SPOCK3: variants seen among roughly 807,000 people sequenced by gnomAD.
SPOCK3 encodes the protein testican-3.
Under a neutral mutation model 56.6 loss-of-function variants are expected in SPOCK3, and 30 were observed. That is an observed-to-expected ratio of 0.53 (90% CI 0.40 to 0.72). SPOCK3 has a LOEUF of 0.72. Among genes scored for constraint, SPOCK3 ranks in the 30% least tolerant of loss-of-function variants. The pLI is 0.00. For synonymous variants in SPOCK3, 196 were observed against 183.3 expected (o/e 1.07, Z -0.56); for missense variants, 527 against 530.0 (o/e 0.99, Z 0.06).
intron 5 of SPOCK3, among the ~76,000 whole-genome samples, chr4:166,909,719 T>C (rs1395527492): frequency 6.6e-6 from 1 of 152,130 alleles, no homozygotes; most frequent in African/African-American, 2.4e-5. Context: ...AGGAGCTTCA[T>C]GGACCCTACT....
intron 6 of SPOCK3, among the ~76,000 whole-genome samples, chr4:166,853,174 C>T (rs1730312026): frequency 6.6e-6 from 1 of 151,948 alleles, no homozygotes; most frequent in South Asian, 2.1e-4. Flanking sequence ...AAATAGGTTG[C>T]TAGTATTTCT....
intron 7 of SPOCK3, among the ~76,000 whole-genome samples, chr4:166,764,492 C>T (rs938351865): frequency 1.3e-5 from 2 of 152,150 alleles, no homozygotes; most frequent in Admixed American, 1.3e-4. Context: ...TTTCCACCTT[C>T]ATCCATGTCC....
intron 6 of SPOCK3, among the ~76,000 whole-genome samples, chr4:166,875,879 T>C (rs1385668534): frequency 6.6e-6 from 1 of 152,192 alleles, no homozygotes; most frequent in Non-Finnish European, 1.5e-5. Context: ...GAAACAACTC[T>C]GAAAGAATGT....
chr4:166,860,198 G>C (rs1731088670), intron 6 of SPOCK3, among the ~76,000 whole-genome samples: 2 of 152,116 alleles, frequency 1.3e-5, no homozygotes, highest in Admixed American at 6.6e-5. Context: ...CTCTAGGGAA[G>C]ATTATGCATG....
chr4:167,043,630 T>C (rs1015220803), intron 3 of SPOCK3, among the ~76,000 whole-genome samples: 2 of 152,022 alleles, frequency 1.3e-5, no homozygotes, highest in Non-Finnish European at 1.5e-5. Flanking sequence ...ACTTTATACA[T>C]AGTTTTTATC....
intron 2 of SPOCK3, among the ~76,000 whole-genome samples, chr4:167,186,978 CAAA>C (rs67424272): frequency 2.3e-5 from 2 of 88,372 alleles, no homozygotes; most frequent in Non-Finnish European, 2.5e-5. Context: ...CTCTGTGCCT[CAAA>C]AAAAAAAAAA....
At chr4:167,193,894 C>T (rs1259131604) in intron 2 of SPOCK3, among the ~76,000 whole-genome samples, 1 of 132,342 alleles carries the variant, frequency 7.6e-6, no homozygotes, top group Non-Finnish European at 1.6e-5. Flanking sequence ...TTTCACAAAT[C>T]TAGATGTCCA....
At chr4:167,035,718 C>A (rs763132049) in intron 3 of SPOCK3, among the ~76,000 whole-genome samples, 1 of 152,142 alleles carries the variant, frequency 6.6e-6, no homozygotes. Context: ...AGAACCCTAG[C>A]GTGAACCTAT....
At chr4:166,836,579 G>GT (rs1746645654) in intron 6 of SPOCK3, among the ~76,000 whole-genome samples, 1 of 152,096 alleles carries the variant, frequency 6.6e-6, no homozygotes, top group Admixed American at 6.6e-5. Flanking sequence ...AGTGAAGATT[G>GT]TTTTTTGTGG....
intron 2 of SPOCK3, among the ~76,000 whole-genome samples, chr4:167,065,823 C>G: frequency 6.6e-6 from 1 of 151,838 alleles, no homozygotes; most frequent in East Asian, 1.9e-4. Flanking sequence ...ATTGGTTGTT[C>G]TCAGGCTTCA....
chr4:167,172,192 A>G (rs969864295), intron 2 of SPOCK3, among the ~76,000 whole-genome samples: 3 of 152,174 alleles, frequency 2.0e-5, no homozygotes, highest in Admixed American at 6.6e-5. Context: ...GCCAGGGTAC[A>G]ACATTTGCTG....
At chr4:167,234,677 A>C (rs1392308574), upstream of SPOCK3, 17 of 153,382 alleles carry the variant, frequency 1.1e-4, no homozygotes, top group South Asian at 3.9e-4. Context: ...TTCCTCTTCC[A>C]CCTCCTCCTA....
intron 4 of SPOCK3, among the ~76,000 whole-genome samples, chr4:166,937,512 GA>G (rs1300576139): frequency 6.8e-6 from 1 of 148,032 alleles, no homozygotes; most frequent in Non-Finnish European, 1.5e-5. Flanking sequence ...TACATTTCTA[GA>G]AGCATATATT....
At chr4:166,824,519 C>A (rs1745256587) in intron 6 of SPOCK3, among the ~76,000 whole-genome samples, 1 of 152,000 alleles carries the variant, frequency 6.6e-6, no homozygotes, top group South Asian at 2.1e-4. Flanking sequence ...TGGCCAAAGA[C>A]GCAGAACACT....
At chr4:166,969,446 C>T (rs1013861511) in intron 4 of SPOCK3, among the ~76,000 whole-genome samples, 2 of 145,832 alleles carry the variant, frequency 1.4e-5, no homozygotes, top group African/African-American at 2.5e-5. Flanking sequence ...ATTTCCTCCT[C>T]ACCGTTCTTG....
chr4:166,833,397 T>C lies in SPOCK3; in HGVS notation c.590-41108A>G, dbSNP rs541971700. Among the ~76,000 whole-genome samples, 11 of 152,314 alleles carry C rather than the reference T, an allele frequency of 7.2e-5. No individual in the cohort carries two copies. The South Asian group carries it at 1.2e-3, about 17-fold the overall frequency. ...ATTATTCAGGTCTTCTATAAACTTA[T>C]TGATTTTCTCAATTTTTGTAGTATT... On this transcript the variant is annotated intron_variant, in intron 6 of 10. Transcript: ENST00000357545.
At chr4:167,056,405 C>A (rs1035195469) in intron 3 of SPOCK3, among the ~76,000 whole-genome samples, 10 of 152,176 alleles carry the variant, frequency 6.6e-5, no homozygotes, top group African/African-American at 2.4e-4. Context: ...GAACGCAGCT[C>A]CTCACCAGCA....
intron 4 of SPOCK3, among the ~76,000 whole-genome samples, chr4:166,940,022 T>C (rs1024218561): frequency 1.3e-5 from 2 of 152,058 alleles, no homozygotes; most frequent in Non-Finnish European, 2.9e-5. Context: ...TCTGCATTAC[T>C]AAAGGAAAGA....
intron 2 of SPOCK3, chr4:167,119,881 C>T (rs1339384654): frequency 1.3e-6 from 2 of 1,494,480 alleles, no homozygotes; most frequent in Admixed American, 2.2e-5. Context: ...CTTACTAATG[C>T]CCCAAAGGTT....
Sources: allele counts gnomAD v4.1 joint callset (sites outside exome capture counted in the v4.1 genomes callset), GRCh38; gene constraint gnomAD v4.1.1; transcripts MANE v1.5; gene names NCBI Gene and HGNC (gene_info 2026-07-23, HGNC 2026-07-21).